The following KLHL29 variants were observed in gnomAD, a reference collection of about 807,000 sequenced individuals.
The protein encoded by KLHL29 is kelch-like protein 29.
In KLHL29, 21 loss-of-function variants were observed where a neutral mutation model predicts 80.4. The ratio of observed to expected loss-of-function variants is 0.26; its 90% CI spans 0.19 to 0.38. KLHL29 has a LOEUF of 0.38. Ranked by LOEUF, KLHL29 falls within the 10% of genes least tolerant of loss-of-function variation. KLHL29 has a pLI of 1.00. For synonymous variants in KLHL29, 511 were observed against 526.8 expected, an observed-to-expected ratio of 0.97 and a Z score of 0.41; for missense variants, 867 against 1,223.9, an observed-to-expected ratio of 0.71 and a Z score of 4.35.
chr2:23,437,734 C>A (rs1324525324), intron 1 of KLHL29, among the ~76,000 whole-genome samples: 3 of 152,170 alleles, frequency 2.0e-5, no homozygotes, highest in Non-Finnish European at 4.4e-5. Context: ...AGTTTTAAGT[C>A]AGGTAGCATG....
chr2:23,545,047 C>T (rs1302375048), intron 2 of KLHL29, among the ~76,000 whole-genome samples: 1 of 152,064 alleles, frequency 6.6e-6, no homozygotes, highest in African/African-American at 2.4e-5. Context: ...AGGAAGGAGA[C>T]GTGTTTAGGA....
chr2:23,695,715 A>G lies in KLHL29; in HGVS notation c.1635A>G (p.Ser545=). The G allele has an allele frequency of 6.4e-7, 1 of 1,551,624 alleles. No individual in the cohort carries two copies. Among genetic ancestry groups the G allele is most frequent in the Non-Finnish European group, 8.7e-7 (1 of 1,146,980 alleles). Residue 545 remains serine (S), a synonymous_variant, in exon 9 of 14, where the codon TCA becomes TCG. Transcript: ENST00000486442. The surrounding 1 kb of genome is among the most constrained non-coding windows in gnomAD (Gnocchi z 7.6). ...NVVDNEELIK[S]SEACRDLVNE... ...TTGACAATGAAGAGCTGATCAAGTC[A>G]TCAGAAGCCTGCCGGGACCTGGTGA...
At chr2:23,576,182 G>A (rs1667837631) in intron 3 of KLHL29, among the ~76,000 whole-genome samples, 2 of 152,014 alleles carry the variant, frequency 1.3e-5, no homozygotes, top group Admixed American at 6.5e-5. Flanking sequence ...GCTGGCACCT[G>A]TAATCTCAGC....
At position 23,692,412 on chromosome 2, in the gene KLHL29, G is replaced by A. The variant is rs562050177; in HGVS notation, c.1282+536G>A. Among the ~76,000 whole-genome samples, 28 of 152,340 alleles carry A rather than the reference G, an allele frequency of 1.8e-4. No homozygotes were observed. The South Asian group carries it at 4.4e-3, about 24-fold the overall frequency. Reference sequence around the variant, plus strand: ...GACCCGAACAACATGCTGCCTTTACGCTTGATGCTACCCCGCATGGGCGAC... The same window carrying A: ...GACCCGAACAACATGCTGCCTTTACACTTGATGCTACCCCGCATGGGCGAC... On this transcript the variant is annotated intron_variant, in intron 7 of 13. Transcript: ENST00000486442.
At chr2:23,480,443 C>T (rs975544939) in intron 2 of KLHL29, among the ~76,000 whole-genome samples, 6 of 151,952 alleles carry the variant, frequency 3.9e-5, no homozygotes, top group East Asian at 1.9e-4. Flanking sequence ...GCTGAGATCG[C>T]ACCACTGCAC....
Position 23,682,414 on chromosome 2 carries a change from ACT to A in KLHL29, c.941-1980_941-1979del, listed in dbSNP as rs778456285. 2.0e-5 allele frequency among the ~76,000 whole-genome samples: 3 copies of A among 151,402 alleles called. No individual in the cohort carries two copies. The highest frequency in any genetic ancestry group is 2.1e-4 in the South Asian group (1 of 4,788). ...CCCTCAGGTCTGGCTTCGAGGCTCA[ACT>A]CTCTGCACGGCGCTATCTTGCCTCC... is the stretch of plus-strand genomic sequence containing the variant. On this transcript the variant is annotated intron_variant, in intron 5 of 13. Coordinates refer to ENST00000486442, the MANE Select transcript of KLHL29 (RefSeq NM_052920.2). This position sits in a 1 kb window ranked among gnomAD's most constrained non-coding sequence, Gnocchi z 4.1.
At chr2:23,408,988 T>TG (rs1221719027) in intron 1 of KLHL29, among the ~76,000 whole-genome samples, 1 of 152,134 alleles carries the variant, frequency 6.6e-6, no homozygotes, top group East Asian at 1.9e-4. Flanking sequence ...TCTGCCTTGT[T>TG]GGGGGGTGTG....
chr2:23,606,073 G>A (rs1425765898), intron 3 of KLHL29, among the ~76,000 whole-genome samples: 1 of 151,932 alleles, frequency 6.6e-6, no homozygotes, highest in Non-Finnish European at 1.5e-5. Flanking sequence ...CCAGCCAAGG[G>A]AAAACCTGTC....
intron 3 of KLHL29, among the ~76,000 whole-genome samples, chr2:23,615,270 A>G (rs1456820539): frequency 6.6e-6 from 1 of 152,060 alleles, no homozygotes; most frequent in East Asian, 1.9e-4. Flanking sequence ...CTCTTGTGTA[A>G]ATGCAACCTC....
intron 1 of KLHL29, 28 bp downstream of exon 1, chr2:23,385,808 T>A (rs1666159499): frequency 6.6e-6 from 1 of 151,256 alleles, no homozygotes; most frequent in Non-Finnish European, 1.5e-5. Flanking sequence ...CTGGAGCGCC[T>A]CGGATGCGGC....
At chr2:23,570,134 C>G (rs2103501888) in intron 3 of KLHL29, among the ~76,000 whole-genome samples, 1 of 152,344 alleles carries the variant, frequency 6.6e-6, no homozygotes, top group Non-Finnish European at 1.5e-5. Flanking sequence ...TCATTTTCCT[C>G]TGGTAAATAA....
chr2:23,580,988 A>T (rs527552495), intron 3 of KLHL29, among the ~76,000 whole-genome samples: 3 of 152,374 alleles, frequency 2.0e-5, no homozygotes, highest in African/African-American at 7.2e-5. Context: ...AAAAATTAAA[A>T]ATAAAATCTA....
rs889037754 is a variant in KLHL29, at chr2:23,682,294, A to G, written c.941-2105A>G. The stretch of plus-strand genomic sequence containing the variant: ...CTGTGTGCCCGCCACATGCTGTCTC[A>G]TGGAACCTTCAACAAGTGTGGACCC... On this transcript the variant is annotated intron_variant, in intron 5 of 13. Transcript: ENST00000486442. This position sits in a 1 kb window ranked among gnomAD's most constrained non-coding sequence, Gnocchi z 4.1. 1.3e-5 allele frequency among the ~76,000 whole-genome samples: 2 copies of G among 152,122 alleles called. No individual in the cohort carries two copies. The highest frequency in any genetic ancestry group is 6.5e-5 in the Admixed American group (1 of 15,282).
chr2:23,639,042 G>A, intron 3 of KLHL29, 97 bp from the exon 4 acceptor site: 3 of 1,224,854 alleles, frequency 2.4e-6, no homozygotes, highest in Non-Finnish European at 3.3e-6. Context: ...TAGGCAACTG[G>A]AGTCTTGTTT....
rs1671895991 is a variant in KLHL29 at position 23,695,503 on chromosome 2, T to G, written c.1543-120T>G. The G allele has an allele frequency of 1.4e-6, 1 of 732,386 alleles. No individual in the cohort carries two copies. The allele number at this position is 732,386 out of a possible 1,614,324, so 45.4% of individuals were successfully genotyped here. A position where few individuals can be genotyped will look rare whatever the true frequency, so the allele number is the denominator to read the frequency against. ...GTCTAGGCTAGCAGAGTATCTACAC[T>G]CCCAAGCCTAACACAGCCTGGAATT... is the stretch of plus-strand genomic sequence containing the variant. On this transcript the variant is annotated intron_variant, in intron 8 of 13. Transcript: ENST00000486442. This position sits in a 1 kb window ranked among gnomAD's most constrained non-coding sequence, Gnocchi z 7.6.
chr2:23,421,830 C>CT (rs1310280378), intron 1 of KLHL29, among the ~76,000 whole-genome samples: 1 of 151,100 alleles, frequency 6.6e-6, no homozygotes, highest in Non-Finnish European at 1.5e-5. Flanking sequence ...ATGTACATCT[C>CT]TGGCTCCAAA....
chr2:23,435,652 G>C (rs1078960), intron 1 of KLHL29, among the ~76,000 whole-genome samples: 76,986 of 152,086 alleles, frequency 0.51, 20,771 homozygotes, highest in African/African-American at 0.71. Flanking sequence ...TAAATTAACT[G>C]TTTTTGGATG....
At chr2:23,552,334 G>T (rs1032256075) in intron 2 of KLHL29, among the ~76,000 whole-genome samples, 44 of 152,106 alleles carry the variant, frequency 2.9e-4, no homozygotes, top group African/African-American at 1.0e-3. Flanking sequence ...TTGGGGGATG[G>T]GTATATTCCC....
At chr2:23,387,591 G>T (rs932281058) in intron 1 of KLHL29, among the ~76,000 whole-genome samples, 1 of 151,712 alleles carries the variant, frequency 6.6e-6, no homozygotes, top group Non-Finnish European at 1.5e-5. Context: ...TGAGGGAGGA[G>T]AATGAACAAT....
Sources: allele counts gnomAD v4.1 joint callset (sites outside exome capture counted in the v4.1 genomes callset), GRCh38; gene constraint gnomAD v4.1.1; non-coding constraint Gnocchi (gnomAD v3.1); transcripts MANE v1.5; gene names NCBI Gene and HGNC (gene_info 2026-07-23, HGNC 2026-07-21).